ZFP90: variants seen among roughly 807,000 people sequenced by gnomAD.
ZFP90 encodes zinc finger protein 90 homolog.
A neutral mutation model predicts 60.8 loss-of-function variants in ZFP90; 38 were observed. The observed-to-expected ratio is 0.62, with a 90% CI of 0.48 to 0.82. ZFP90 has a LOEUF of 0.82. Ranked by LOEUF, ZFP90 falls within the 40% of genes least tolerant of loss-of-function variation. The pLI, the probability that ZFP90 is intolerant of heterozygous loss-of-function variation, is 0.00. For missense variants in ZFP90, 711 were observed against 759.1 expected (o/e 0.94, Z 0.74); for synonymous variants, 287 against 264.8 (o/e 1.08, Z -0.82).
rs538146294 is a variant in ZFP90 at position 68,556,131 on chromosome 16, C to G, written c.34-1867C>G. Among the ~76,000 whole-genome samples, 8 of 152,200 alleles carry G rather than the reference C, an allele frequency of 5.3e-5. No individual in the cohort carries two copies. The East Asian group carries it at 1.4e-3, about 26-fold the overall frequency. On this transcript the variant is annotated intron_variant, in intron 2 of 4. Coordinates refer to ENST00000563169, the MANE Select transcript of ZFP90 (RefSeq NM_001305203.2). ...GCTGCAGTGATTCATGATTGAGCCACTGGACTCCAAGCTGGGTGAGAGAGT... is the reference window on the plus strand; with the variant it reads ...GCTGCAGTGATTCATGATTGAGCCAGTGGACTCCAAGCTGGGTGAGAGAGT...
rs775310234 is a variant in ZFP90, at chr16:68,563,369, T to C, written c.582T>C (p.His194=). The change falls in exon 5 of 5, where the codon CAT becomes CAC. Residue 194 remains histidine (H), a synonymous_variant. Transcript: ENST00000563169. Reference sequence around the variant, plus strand: ...AGACCCTTGGAAGCAATTTGGGACATAATGCAGACTTACTTAATGAGAATA... The same window carrying C: ...AGACCCTTGGAAGCAATTTGGGACACAATGCAGACTTACTTAATGAGAATA... ...ECETLGSNLG[H]NADLLNENNI... is the part of the protein sequence containing the mutation. The C allele has an allele frequency of 9.9e-6, 16 of 1,613,992 alleles. No homozygotes were observed.
Position 68,565,610 on chromosome 16 carries a change from C to T in ZFP90, c.*912C>T, listed in dbSNP as rs974405920. 1.3e-5 allele frequency: 13 copies of T among 985,390 alleles called. No individual in the cohort carries two copies. The highest frequency in any genetic ancestry group is 1.4e-5 in the Non-Finnish European group (12 of 829,916). 61.0% of individuals were successfully genotyped at this position (985,390 alleles called of 1,614,324 possible). On this transcript the variant is annotated 3_prime_UTR_variant, in exon 5 of 5. Coordinates refer to ENST00000563169, the MANE Select transcript of ZFP90 (RefSeq NM_001305203.2). ...CAGTTTCACAGAACTATTAAGTCCC[C>T]TTATTGTACTTTTTATGGCATGCCC... is the stretch of plus-strand genomic sequence containing the variant.
rs745761233 is a variant in ZFP90, at chr16:68,564,626, A to G, written c.1839A>G (p.Glu613=). ...GAGAAAAACCCTATTCTTGTAAGGAATGTGGGAAAAACTTCAGCCGAAGTT... is the reference window on the plus strand; with the variant it reads ...GAGAAAAACCCTATTCTTGTAAGGAGTGTGGGAAAAACTTCAGCCGAAGTT... ...HTGEKPYSCK[E]CGKNFSRSSA... The change falls in exon 5 of 5, where the codon GAA becomes GAG. Residue 613 remains glutamate (E), a synonymous_variant. Coordinates refer to ENST00000563169, the MANE Select transcript of ZFP90 (RefSeq NM_001305203.2). 2 of 1,614,086 alleles carry G rather than the reference A, an allele frequency of 1.2e-6. No individual in the cohort carries two copies. The highest frequency in any genetic ancestry group is 8.5e-7 in the Non-Finnish European group (1 of 1,179,992).
Position 68,558,455 on chromosome 16 carries a change from G to C in ZFP90, c.161-18G>C. 6.2e-7 allele frequency: 1 copy of C among 1,611,084 alleles called. No individual in the cohort carries two copies. On this transcript the variant is annotated intron_variant, in intron 3 of 4. Coordinates refer to ENST00000563169, the MANE Select transcript of ZFP90 (RefSeq NM_001305203.2). ...ACTTGCACAAACAACCAAATCTTGT[G>C]TATTTACCCATGAGCAGGATATCAA...
chr16:68,549,495 G>T (rs1395439645), intron 2 of ZFP90, among the ~76,000 whole-genome samples: 4 of 151,932 alleles, frequency 2.6e-5, no homozygotes, highest in Admixed American at 2.6e-4. Flanking sequence ...GGCTAACATG[G>T]TGAAACCCCG....
intron 4 of ZFP90, among the ~76,000 whole-genome samples, chr16:68,559,808 A>G (rs779511581): frequency 3.9e-5 from 6 of 152,150 alleles, no homozygotes; most frequent in Non-Finnish European, 7.4e-5. Context: ...CCTGAGCTCA[A>G]GCAATCCACC....
intron 4 of ZFP90, 62 bp downstream of exon 4, chr16:68,558,630 G>C: frequency 7.0e-7 from 1 of 1,437,086 alleles, no homozygotes; most frequent in Non-Finnish European, 9.7e-7. Context: ...TTAGGGAGGG[G>C]GAGATACCCT....
chr16:68,564,308 A>T lies in ZFP90; in HGVS notation c.1521A>T (p.Lys507Asn). ...GTAATGTATGTGGGAAAGCTTTCAA[A>T]AGGAGTACAAGTTTCATAGAGCATC... Reference protein sequence around the residue: ...YQCNVCGKAFKRSTSFIEHHR... With the variant: ...YQCNVCGKAFNRSTSFIEHHR... Residue 507 changes from lysine (K) to asparagine (N), a missense_variant, in exon 5 of 5, where the codon AAA (lysine) becomes AAT (asparagine). Coordinates refer to ENST00000563169, the MANE Select transcript of ZFP90 (RefSeq NM_001305203.2). The T allele has an allele frequency of 6.2e-7, 1 of 1,614,036 alleles. No homozygotes were observed. The highest frequency in any genetic ancestry group is 8.5e-7 in the Non-Finnish European group (1 of 1,179,984).
chr16:68,558,631 GA>G (rs1444615022), intron 4 of ZFP90, 63 bp downstream of exon 4: 5 of 1,432,324 alleles, frequency 3.5e-6, no homozygotes. Context: ...TAGGGAGGGG[GA>G]GATACCCTCC....
At chr16:68,557,026 C>T (rs2091355456) in intron 2 of ZFP90, 17 of 340,708 alleles carry the variant, frequency 5.0e-5, no homozygotes, top group South Asian at 3.8e-4. Context: ...CTCACTCCGT[C>T]ATCCAGGCTG....
At position 68,539,740 on chromosome 16, in the gene ZFP90, C is replaced by G. The variant is rs1040768193; in HGVS notation, c.-35-18C>G. 2 of 1,536,668 alleles carry G rather than the reference C, an allele frequency of 1.3e-6. No homozygotes were observed. Among genetic ancestry groups the G allele is most frequent in the East Asian group, 2.4e-5 (1 of 41,242 alleles). On this transcript the variant is annotated intron_variant, in intron 1 of 4. Coordinates refer to ENST00000563169, the MANE Select transcript of ZFP90 (RefSeq NM_001305203.2). Reference sequence around the variant, plus strand: ...CGGTGTTGCAGCGGGGTGAGTGGGCCCTGTCCTTTCTCCCCAGCTCCTGCC... The same window carrying G: ...CGGTGTTGCAGCGGGGTGAGTGGGCGCTGTCCTTTCTCCCCAGCTCCTGCC...
downstream of ZFP90, among the ~76,000 whole-genome samples, chr16:68,569,688 C>A (rs1317095510): frequency 6.6e-6 from 1 of 152,016 alleles, no homozygotes; most frequent in Non-Finnish European, 1.5e-5. Flanking sequence ...ATTTCTTGAG[C>A]CCAGGAGTTC....
intron 2 of ZFP90, among the ~76,000 whole-genome samples, chr16:68,553,929 G>T (rs2091300578): frequency 6.6e-6 from 1 of 152,112 alleles, no homozygotes; most frequent in East Asian, 1.9e-4. Context: ...CCAGCAGTCT[G>T]GCAGATTTTA....
rs570549468 is a variant in ZFP90, at chr16:68,563,312, C to T, written c.525C>T (p.Asn175=). 13 of 1,614,150 alleles carry T rather than the reference C, an allele frequency of 8.1e-6. No homozygotes were observed. In the African/African-American group the frequency reaches 1.7e-4, roughly 22 times the overall value. ...ACACCAATTTGGTTACACAACTGAA[C>T]ATTCCTGCAAGAATAAGGCCTAGTG... ...RLNTNLVTQL[N]IPARIRPSEC... Residue 175 remains asparagine (N), a synonymous_variant, in exon 5 of 5, where the codon AAC becomes AAT. Transcript: ENST00000563169.
At chr16:68,544,821 G>A (rs998517765) in intron 2 of ZFP90, among the ~76,000 whole-genome samples, 2 of 146,322 alleles carry the variant, frequency 1.4e-5, no homozygotes, top group Non-Finnish European at 3.0e-5. Flanking sequence ...CCCGTGTAAC[G>A]TTAGGTACCG....
chr16:68,573,364 G>A (rs927457820), intron 2 of ZFP90, among the ~76,000 whole-genome samples: 3 of 152,206 alleles, frequency 2.0e-5, no homozygotes, highest in African/African-American at 7.2e-5. Flanking sequence ...AGGTGCAGTG[G>A]CACACTTAAA....
rs150333196 is a variant in ZFP90, at chr16:68,566,231, T to C, written c.*1533T>C. On this transcript the variant is annotated 3_prime_UTR_variant, in exon 5 of 5. Coordinates refer to ENST00000563169, the MANE Select transcript of ZFP90 (RefSeq NM_001305203.2). ...CCCTAATGACTCCCATGGGCTATCC[T>C]AAAGGAACTTCCAGAACCTTTGTTG... 113 of 985,626 alleles carry C rather than the reference T, an allele frequency of 1.1e-4. No homozygotes were observed. In the African/African-American group the frequency reaches 1.9e-3, roughly 17 times the overall value. 61.1% of individuals were successfully genotyped at this position (985,626 alleles called of 1,614,324 possible). A position where few individuals can be genotyped will look rare whatever the true frequency, so the allele number is the denominator to read the frequency against.
At position 68,539,321 on chromosome 16, in the gene ZFP90, T is replaced by G; in HGVS notation, c.-194T>G. 2 of 165,952 alleles carry G rather than the reference T, an allele frequency of 1.2e-5. No individual in the cohort carries two copies. The highest frequency in any genetic ancestry group is 1.7e-4 in the East Asian group (1 of 5,896). The allele number at this position is 165,952 out of a possible 1,614,324, so 10.3% of individuals were successfully genotyped here. A position where few individuals can be genotyped will look rare whatever the true frequency, so the allele number is the denominator to read the frequency against. ...CAGTTCTGCCCCACCGCTGCGGCCA[T>G]TGTCCGACCCCGGTGCGGCTGAGGC... On this transcript the variant is annotated 5_prime_UTR_variant, in exon 1 of 5. Coordinates refer to ENST00000563169, the MANE Select transcript of ZFP90 (RefSeq NM_001305203.2).
At chr16:68,570,063 T>A (rs1263686170), downstream of ZFP90, among the ~76,000 whole-genome samples, 2 of 151,994 alleles carry the variant, frequency 1.3e-5, no homozygotes, top group Non-Finnish European at 2.9e-5. Flanking sequence ...TGTGTGTGTG[T>A]GTGTGTGCTA....
Sources: gnomAD v4.1 joint callset for allele counts (sites outside exome capture counted in the v4.1 genomes callset) on GRCh38, gnomAD v4.1.1 for gene constraint, MANE v1.5 for transcripts, NCBI Gene and HGNC (gene_info 2026-07-23, HGNC 2026-07-21) for gene names.